C2CD3: variants seen among roughly 807,000 people sequenced by gnomAD.
The protein encoded by C2CD3 is C2 domain-containing protein 3.
A neutral mutation model predicts 234.0 loss-of-function variants in C2CD3; 148 were observed. The ratio of observed to expected loss-of-function variants is 0.63; its 90% CI spans 0.55 to 0.72. C2CD3 has a LOEUF of 0.72. C2CD3 is among the 30% of genes least tolerant of loss of function. The pLI, the probability that C2CD3 is intolerant of heterozygous loss-of-function variation, is 0.00. For synonymous variants in C2CD3, 1,000 were observed against 1,035.4 expected, an observed-to-expected ratio of 0.97 and a Z score of 0.66; for missense variants, 2,577 against 2,811.5, an observed-to-expected ratio of 0.92 and a Z score of 1.89.
At chr11:74,170,634 AC>A (rs1857120665) in intron 1 of C2CD3, 103 bp downstream of exon 1, 6 of 1,334,470 alleles carry the variant, frequency 4.5e-6, no homozygotes, top group Non-Finnish European at 5.4e-6. Flanking sequence ...CTTCCTTCTT[AC>A]GTCCCTTTTC....
chr11:74,054,507 G>GAAAAAAAA (rs869085401), intron 26 of C2CD3, 100 bp downstream of exon 26: 35 of 275,618 alleles, frequency 1.3e-4, no homozygotes, highest in African/African-American at 1.1e-3. Context: ...ACTTGGTTTG[G>GAAAAAAAA]AAAAAAAAAA....
At chr11:74,038,608 A>G (rs1952858051) in intron 29 of C2CD3, among the ~76,000 whole-genome samples, 1 of 152,072 alleles carries the variant, frequency 6.6e-6, no homozygotes, top group Admixed American at 6.6e-5. Flanking sequence ...TTCCTTCCTC[A>G]TACTTCTGCT....
chr11:74,017,627 C>A (rs963195916), intron 32 of C2CD3, among the ~76,000 whole-genome samples: 2 of 152,270 alleles, frequency 1.3e-5, no homozygotes, highest in African/African-American at 4.8e-5. Flanking sequence ...CTTAGCCAAG[C>A]GGTGTTGGGC....
chr11:74,096,108 T>C (rs892141418), intron 16 of C2CD3, among the ~76,000 whole-genome samples: 6 of 152,226 alleles, frequency 3.9e-5, no homozygotes, highest in African/African-American at 1.4e-4. Context: ...GGATTTACTA[T>C]GAACCAGGCA....
In C2CD3 at chr11:74,168,398, T is replaced by C; in HGVS notation, c.271A>G (p.Thr91Ala). The C allele has an allele frequency of 6.2e-7, 1 of 1,614,080 alleles. No homozygotes were observed. Among genetic ancestry groups the C allele is most frequent in the Middle Eastern group, 1.7e-4 (1 of 6,060 alleles). ...CCACAACGAATAGCGTAACGTGTAG[T>C]TGTTCTCACAGCTTTTGGTTCAGTC... ...LQTEPKAVRT[T>A]TRYAIRCGPK... The change falls in exon 2 of 33, where the codon ACT (threonine) becomes GCT (alanine). Residue 91 changes from threonine to alanine, a missense_variant. Transcript: ENST00000334126.
chr11:74,143,728 A>C (rs904941467), intron 3 of C2CD3, among the ~76,000 whole-genome samples: 3 of 151,722 alleles, frequency 2.0e-5, no homozygotes, highest in African/African-American at 7.3e-5. Flanking sequence ...GTCTAGGTTC[A>C]TTAAGGATAT....
At chr11:74,051,167 A>G (rs985141808) in intron 26 of C2CD3, among the ~76,000 whole-genome samples, 2 of 151,148 alleles carry the variant, frequency 1.3e-5, no homozygotes, top group Non-Finnish European at 2.9e-5. Context: ...ATAGTGGTGC[A>G]TGTCTGTAGT....
chr11:74,112,889 C>G (rs770016081), intron 11 of C2CD3, among the ~76,000 whole-genome samples: 11 of 152,164 alleles, frequency 7.2e-5, no homozygotes, highest in Non-Finnish European at 1.5e-4. Context: ...TCTGGCAGTT[C>G]TTGAAAAAGT....
At chr11:74,065,560 T>G (rs1591374357) in intron 24 of C2CD3, among the ~76,000 whole-genome samples, 1 of 152,210 alleles carries the variant, frequency 6.6e-6, no homozygotes, top group East Asian at 1.9e-4. Flanking sequence ...ATCCTATTAC[T>G]GGGTATATAC....
intron 11 of C2CD3, among the ~76,000 whole-genome samples, chr11:74,112,971 C>T (rs1388093652): frequency 1.3e-5 from 2 of 152,188 alleles, no homozygotes; most frequent in African/African-American, 4.8e-5. Context: ...TGAAAGCACA[C>T]AGTCCATACA....
Position 74,071,502 on chromosome 11 carries a change from G to A in C2CD3, c.4951+2751C>T, listed in dbSNP as rs545827658. On this transcript the variant is annotated intron_variant, in intron 24 of 32. Coordinates refer to ENST00000334126, the MANE Select transcript of C2CD3 (RefSeq NM_001286577.2). ...ACCTGCCCATCTGGTTCTGCAGAGCGCATTAACTATGTAACTTCAGGTCAT... is the reference window on the plus strand; with the variant it reads ...ACCTGCCCATCTGGTTCTGCAGAGCACATTAACTATGTAACTTCAGGTCAT... Among the ~76,000 whole-genome samples, 52 of 152,262 alleles carry A rather than the reference G, an allele frequency of 3.4e-4. No individual in the cohort carries two copies. The South Asian group carries it at 0.01, about 30-fold the overall frequency.
intron 3 of C2CD3, 119 bp from the exon 4 acceptor site, chr11:74,139,947 C>A: frequency 2.0e-6 from 1 of 494,668 alleles, no homozygotes. Flanking sequence ...AAGGAATGTC[C>A]CCCATTCCCT....
intron 7 of C2CD3, among the ~76,000 whole-genome samples, chr11:74,131,204 T>A (rs578149295): frequency 7.9e-5 from 12 of 151,438 alleles, no homozygotes; most frequent in South Asian, 2.1e-4. Context: ...ACGCCTGTAA[T>A]CCCAGCTACT....
At chr11:74,018,492 T>C (rs541463885) in intron 32 of C2CD3, among the ~76,000 whole-genome samples, 1 of 152,300 alleles carries the variant, frequency 6.6e-6, no homozygotes, top group South Asian at 2.1e-4. Context: ...GACATAAACA[T>C]TGACTCAGGA....
intron 7 of C2CD3, among the ~76,000 whole-genome samples, chr11:74,128,373 C>T (rs888998295): frequency 3.9e-5 from 6 of 151,984 alleles, no homozygotes; most frequent in African/African-American, 1.2e-4. Flanking sequence ...GAAGCACATA[C>T]GTTTTTAATT....
At chr11:74,165,491 C>T (rs148357063) in intron 2 of C2CD3, among the ~76,000 whole-genome samples, 1 of 152,092 alleles carries the variant, frequency 6.6e-6, no homozygotes, top group Non-Finnish European at 1.5e-5. Flanking sequence ...TTACTTTTTG[C>T]ATTTTGTATT....
At chr11:74,035,858 T>TG (rs1471301584) in intron 30 of C2CD3, among the ~76,000 whole-genome samples, 1 of 150,164 alleles carries the variant, frequency 6.7e-6, no homozygotes, top group African/African-American at 2.5e-5. Flanking sequence ...CAGCTTCAAT[T>TG]CTTTTTTTTT....
intron 32 of C2CD3, among the ~76,000 whole-genome samples, chr11:74,021,281 AC>A (rs1031045293): frequency 6.6e-6 from 1 of 151,142 alleles, no homozygotes; most frequent in Non-Finnish European, 1.5e-5. Context: ...AAAAAACACC[AC>A]CCCCCTCCAG....
intron 14 of C2CD3, 127 bp from the exon 15 acceptor site, chr11:74,100,803 A>G: frequency 1.3e-6 from 1 of 743,030 alleles, no homozygotes; most frequent in Non-Finnish European, 2.1e-6. Flanking sequence ...AGCTAAAGAC[A>G]TTCAAATAAA....
Sources: allele counts gnomAD v4.1 joint callset (sites outside exome capture counted in the v4.1 genomes callset), GRCh38; gene constraint gnomAD v4.1.1; transcripts MANE v1.5; gene names NCBI Gene and HGNC (gene_info 2026-07-23, HGNC 2026-07-21).